The following PDE10A variants were observed in gnomAD, a reference collection of about 807,000 sequenced individuals.
PDE10A encodes the protein phosphodiesterase 10A.
Under a neutral mutation model 97.7 loss-of-function variants are expected in PDE10A, and 39 were observed. The observed-to-expected ratio is 0.40, with a 90% CI of 0.31 to 0.52. PDE10A has a LOEUF of 0.52. Ranked by LOEUF, PDE10A falls within the 20% of genes least tolerant of loss-of-function variation. The pLI, the probability that PDE10A is intolerant of heterozygous loss-of-function variation, is 0.56. For synonymous variants in PDE10A, 371 were observed against 376.8 expected, an observed-to-expected ratio of 0.98 and a Z score of 0.18; for missense variants, 731 against 1,047.8, an observed-to-expected ratio of 0.70 and a Z score of 4.17.
intron 1 of PDE10A, among the ~76,000 whole-genome samples, chr6:165,855,422 G>A (rs1284677717): frequency 1.3e-5 from 2 of 151,596 alleles, no homozygotes; most frequent in Non-Finnish European, 2.9e-5. Context: ...AGACATGGCC[G>A]GGGCTGCAGG....
Position 165,388,293 on chromosome 6 carries a change from C to T in PDE10A, c.2610+5G>A. ...CTAAGCGAGAGACGGCGTGCAGTGACTCACCTGGAGGATGGACACAGTCTG... is the reference window on the plus strand; with the variant it reads ...CTAAGCGAGAGACGGCGTGCAGTGATTCACCTGGAGGATGGACACAGTCTG... On this transcript the variant is annotated splice_donor_5th_base_variant and intron_variant, in intron 17 of 21. Coordinates refer to ENST00000539869, the MANE Select transcript of PDE10A (RefSeq NM_001385079.1). This position sits in a 1 kb window ranked among gnomAD's most constrained non-coding sequence, Gnocchi z 4.0. 6.2e-7 allele frequency: 1 copy of T among 1,613,804 alleles called. No homozygotes were observed. Among genetic ancestry groups the T allele is most frequent in the Non-Finnish European group, 8.5e-7 (1 of 1,179,822 alleles).
At chr6:165,639,036 G>C (rs1789006681) in intron 1 of PDE10A, among the ~76,000 whole-genome samples, 2 of 140,414 alleles carry the variant, frequency 1.4e-5, no homozygotes, top group African/African-American at 2.5e-5. Flanking sequence ...GGAAGGGAGG[G>C]AAGGAAGGAG....
chr6:165,919,347 A>G (rs1782691257), intron 1 of PDE10A, among the ~76,000 whole-genome samples: 1 of 152,198 alleles, frequency 6.6e-6, no homozygotes, highest in Non-Finnish European at 1.5e-5. Context: ...TGCCATGAGC[A>G]TATGTACTCA....
chr6:165,579,794 A>C (rs1785510586), intron 1 of PDE10A, among the ~76,000 whole-genome samples: 1 of 152,156 alleles, frequency 6.6e-6, no homozygotes, highest in Admixed American at 6.5e-5. Context: ...ACCTTGCACA[A>C]ACTAGGCATA....
intron 1 of PDE10A, among the ~76,000 whole-genome samples, chr6:165,735,795 T>G (rs187408518): frequency 6.6e-6 from 1 of 152,374 alleles, no homozygotes; most frequent in Non-Finnish European, 1.5e-5. Flanking sequence ...CATGCAGACT[T>G]ATGTGGAACC....
rs553255500 is a variant in PDE10A, at chr6:165,352,583, A to G, written c.2784-9081T>C. Among the ~76,000 whole-genome samples, 5 of 152,356 alleles carry G rather than the reference A, an allele frequency of 3.3e-5. No homozygotes were observed. In the East Asian group the frequency reaches 7.7e-4, roughly 23 times the overall value. The stretch of plus-strand genomic sequence containing the variant: ...GATATTTACCAAGCTCATAAACAAC[A>G]AGCATTTTAAAAGTTATAGTTCCAT... On this transcript the variant is annotated intron_variant, in intron 18 of 21. Transcript: ENST00000539869.
chr6:165,605,726 T>C (rs1436046204), intron 1 of PDE10A, among the ~76,000 whole-genome samples: 2 of 152,084 alleles, frequency 1.3e-5, no homozygotes, highest in East Asian at 1.9e-4. Flanking sequence ...GCGCATGCAA[T>C]GCTACTACTG....
At chr6:165,791,790 C>A (rs548134184) in intron 1 of PDE10A, among the ~76,000 whole-genome samples, 1 of 152,296 alleles carries the variant, frequency 6.6e-6, no homozygotes, top group South Asian at 2.1e-4. Context: ...TTAGGAAAAG[C>A]GTTTCTTGGG....
chr6:165,732,936 A>G (rs1190759386), intron 1 of PDE10A, among the ~76,000 whole-genome samples: 1 of 152,166 alleles, frequency 6.6e-6, no homozygotes, highest in African/African-American at 2.4e-5. Context: ...CTTTCCCAGC[A>G]CCTGGACTGT....
intron 1 of PDE10A, among the ~76,000 whole-genome samples, chr6:165,746,629 C>T (rs183055907): frequency 1.3e-4 from 20 of 152,236 alleles, no homozygotes. Flanking sequence ...TCTGTGCACG[C>T]GCAGGGAAGA....
intron 3 of PDE10A, among the ~76,000 whole-genome samples, chr6:165,474,936 T>C (rs1165619578): frequency 6.6e-6 from 1 of 152,126 alleles, no homozygotes; most frequent in Non-Finnish European, 1.5e-5. Flanking sequence ...CTAAGTGTTT[T>C]TGGGCTACTG....
chr6:165,416,566 T>A (rs2128229324), intron 11 of PDE10A, among the ~76,000 whole-genome samples: 1 of 152,308 alleles, frequency 6.6e-6, no homozygotes, highest in African/African-American at 2.4e-5. Context: ...TCCCTTCTAT[T>A]TGCGAAGCAC....
At chr6:165,603,628 G>T (rs1364648129) in intron 1 of PDE10A, among the ~76,000 whole-genome samples, 2 of 152,242 alleles carry the variant, frequency 1.3e-5, no homozygotes, top group African/African-American at 4.8e-5. Context: ...AATCTGGGAG[G>T]GGAGCAGCGT....
chr6:165,707,663 G>C (rs1029296408), intron 1 of PDE10A, among the ~76,000 whole-genome samples: 2 of 151,552 alleles, frequency 1.3e-5, no homozygotes, highest in Admixed American at 6.6e-5. Flanking sequence ...ATATGTGAGC[G>C]TGTGTGTGTA....
chr6:165,508,392 ATAATTTATTCTTTTTATTGAAGAGTAG>A (rs1781323773), intron 2 of PDE10A, among the ~76,000 whole-genome samples: 3 of 152,096 alleles, frequency 2.0e-5, no homozygotes, highest in Admixed American at 2.0e-4. Flanking sequence ...GCCTGTATCA[ATAATTTATTCTTTTTATTGAAGAGTAG>A]CATTCCTTTG....
intron 1 of PDE10A, among the ~76,000 whole-genome samples, chr6:165,744,848 C>G (rs1044824077): frequency 8.6e-6 from 1 of 116,206 alleles, no homozygotes; most frequent in African/African-American, 5.6e-5. Flanking sequence ...TGAACCAGTA[C>G]TGCTTAAAAA....
At chr6:165,677,175 C>A (rs897872071) in intron 1 of PDE10A, among the ~76,000 whole-genome samples, 1 of 152,150 alleles carries the variant, frequency 6.6e-6, no homozygotes, top group African/African-American at 2.4e-5. Flanking sequence ...AAGCAGAGAC[C>A]CTGTCCACGG....
intron 1 of PDE10A, among the ~76,000 whole-genome samples, chr6:165,866,976 T>C (rs542763393): frequency 2.0e-4 from 30 of 152,022 alleles, no homozygotes; most frequent in Non-Finnish European, 3.8e-4. Flanking sequence ...GGATGATATA[T>C]ACCATCATGA....
intron 3 of PDE10A, among the ~76,000 whole-genome samples, chr6:165,468,249 T>G: frequency 6.6e-6 from 1 of 151,642 alleles, no homozygotes; most frequent in East Asian, 1.9e-4. Context: ...AGGCTAATTT[T>G]TTTTTATTTT....
Sources: gnomAD v4.1 joint callset for allele counts (sites outside exome capture counted in the v4.1 genomes callset) on GRCh38, gnomAD v4.1.1 for gene constraint, Gnocchi (gnomAD v3.1) non-coding constraint, MANE v1.5 for transcripts, NCBI Gene and HGNC (gene_info 2026-07-23, HGNC 2026-07-21) for gene names.